TBC1D22A: variants seen among roughly 807,000 people sequenced by gnomAD.
TBC1D22A encodes putative GTPase activator.
In TBC1D22A, 38 loss-of-function variants were observed where a neutral mutation model predicts 60.2. That is an observed-to-expected ratio of 0.63 (90% CI 0.49 to 0.83). The LOEUF is 0.83. TBC1D22A is among the 40% of genes least tolerant of loss of function. TBC1D22A has a pLI of 0.00. For synonymous variants in TBC1D22A, 302 were observed against 281.7 expected (o/e 1.07, Z -0.72); for missense variants, 628 against 701.0 (o/e 0.90, Z 1.18).
At chr22:47,140,797 C>T (rs954222771) in intron 12 of TBC1D22A, among the ~76,000 whole-genome samples, 1 of 152,142 alleles carries the variant, frequency 6.6e-6, no homozygotes, top group African/African-American at 2.4e-5. Flanking sequence ...GTGAGCATTC[C>T]CCATGCTGGG....
chr22:46,941,441 C>T lies in TBC1D22A; in HGVS notation c.1015+29253C>T, dbSNP rs1041338804. ...GGAATATACACGGAATATATATACACGGAATATATATACGGAATATATATA... is the reference window on the plus strand; with the variant it reads ...GGAATATACACGGAATATATATACATGGAATATATATACGGAATATATATA... On this transcript the variant is annotated intron_variant, in intron 8 of 12. Transcript: ENST00000337137. Among the ~76,000 whole-genome samples, 38 of 132,100 alleles carry T rather than the reference C, an allele frequency of 2.9e-4. 2 individuals carry two copies. Among genetic ancestry groups the T allele is most frequent in the Non-Finnish European group, 4.0e-4 (25 of 63,204 alleles). 86.7% of individuals were successfully genotyped at this position (132,100 alleles called of 152,430 possible).
intron 4 of TBC1D22A, among the ~76,000 whole-genome samples, chr22:46,799,628 C>T (rs557271520): frequency 9.2e-5 from 14 of 152,334 alleles, no homozygotes; most frequent in Admixed American, 7.8e-4. Context: ...TTGGATGTCA[C>T]GCCTCTGTCT....
At chr22:46,840,689 C>T (rs1015278087) in intron 4 of TBC1D22A, among the ~76,000 whole-genome samples, 5 of 151,328 alleles carry the variant, frequency 3.3e-5, no homozygotes, top group African/African-American at 7.3e-5. Context: ...GCCGAGATTG[C>T]GCCACTGTAC....
chr22:47,158,524 A>G (rs2067813268), intron 12 of TBC1D22A, among the ~76,000 whole-genome samples: 1 of 152,108 alleles, frequency 6.6e-6, no homozygotes, highest in Non-Finnish European at 1.5e-5. Flanking sequence ...GGTTCTTCAC[A>G]CATGGATCAC....
At chr22:46,770,895 C>T (rs752348548) in intron 1 of TBC1D22A, among the ~76,000 whole-genome samples, 4 of 152,168 alleles carry the variant, frequency 2.6e-5, no homozygotes, top group Admixed American at 6.5e-5. Context: ...TGTGTGTTCC[C>T]CGCCAGTTGG....
rs569181827 is a variant in TBC1D22A at position 46,813,867 on chromosome 22, C to T, written c.637+16247C>T. Among the ~76,000 whole-genome samples the T allele has an allele frequency of 2.6e-4, 40 of 152,326 alleles. No homozygotes were observed. In the East Asian group the frequency reaches 6.4e-3, roughly 24 times the overall value. ...GTTCCATGAAGGCAGGGGCACCTGA[C>T]GGACAAGAAATCAGATCTAAAAATG... On this transcript the variant is annotated intron_variant, in intron 4 of 12. Transcript: ENST00000337137.
At chr22:46,980,461 G>T (rs926070776) in intron 9 of TBC1D22A, among the ~76,000 whole-genome samples, 5 of 152,194 alleles carry the variant, frequency 3.3e-5, no homozygotes, top group Non-Finnish European at 7.3e-5. Flanking sequence ...GATTACCCAG[G>T]TGTGAGCCAC....
intron 11 of TBC1D22A, among the ~76,000 whole-genome samples, chr22:47,087,165 A>G (rs1018784652): frequency 1.3e-5 from 2 of 152,262 alleles, no homozygotes; most frequent in African/African-American, 2.4e-5. Context: ...GCATACGCGC[A>G]TGCACACAAA....
In TBC1D22A at chr22:46,997,629, C is replaced by T. The variant is rs746259298; in HGVS notation, c.1126-5C>T. 9 of 1,611,510 alleles carry T rather than the reference C, an allele frequency of 5.6e-6. No homozygotes were observed. The highest frequency in any genetic ancestry group is 7.6e-6 in the Non-Finnish European group (9 of 1,178,516). ...ATATGATTCACATTATTCTTTTTTC[C>T]TTAGGACAACTACACCTTTGCCCAA... On this transcript the variant is annotated splice_region_variant and splice_polypyrimidine_tract_variant and intron_variant, in intron 9 of 12. Coordinates refer to ENST00000337137, the MANE Select transcript of TBC1D22A (RefSeq NM_014346.5).
chr22:46,843,313 C>T (rs75380655), intron 4 of TBC1D22A, among the ~76,000 whole-genome samples: 3 of 151,972 alleles, frequency 2.0e-5, no homozygotes, highest in Admixed American at 2.0e-4. Context: ...TTGTTGTTGT[C>T]ATTGATTTTT....
Position 47,047,305 on chromosome 22 carries a change from A to G in TBC1D22A, c.1329+10107A>G, listed in dbSNP as rs531528738. Among the ~76,000 whole-genome samples the G allele has an allele frequency of 2.6e-5, 4 of 152,384 alleles. No individual in the cohort carries two copies. The South Asian group carries it at 8.3e-4, about 32-fold the overall frequency. ...CACATAGCCTATTAATGAAGGCTGC[A>G]TATTAAATACGAATCATACATTTTT... On this transcript the variant is annotated intron_variant, in intron 11 of 12. Transcript: ENST00000337137.
intron 12 of TBC1D22A, among the ~76,000 whole-genome samples, chr22:47,144,724 C>T (rs1024191296): frequency 2.1e-5 from 3 of 145,978 alleles, no homozygotes; most frequent in African/African-American, 7.6e-5. Flanking sequence ...CTGGGTGCAG[C>T]CCGTGAAGGT....
chr22:46,984,954 G>A (rs1004514974), intron 9 of TBC1D22A, among the ~76,000 whole-genome samples: 10 of 152,238 alleles, frequency 6.6e-5, no homozygotes, highest in Admixed American at 6.5e-4. Flanking sequence ...TGCACACTAA[G>A]CTGGGGAGAT....
intron 5 of TBC1D22A, among the ~76,000 whole-genome samples, chr22:46,885,382 C>T (rs962320372): frequency 6.6e-6 from 1 of 152,146 alleles, no homozygotes; most frequent in Non-Finnish European, 1.5e-5. Flanking sequence ...GAGCCTGTCT[C>T]CTCGTCTGCA....
At chr22:46,902,269 T>C (rs1445414036) in intron 7 of TBC1D22A, among the ~76,000 whole-genome samples, 1 of 152,272 alleles carries the variant, frequency 6.6e-6, no homozygotes, top group African/African-American at 2.4e-5. Flanking sequence ...TTTAAATTTC[T>C]TCAGCCCTGG....
chr22:46,800,078 G>A (rs1409219399), intron 4 of TBC1D22A, among the ~76,000 whole-genome samples: 1 of 152,190 alleles, frequency 6.6e-6, no homozygotes, highest in Non-Finnish European at 1.5e-5. Context: ...CATGGCGTAC[G>A]TGGAGAACCG....
At chr22:46,823,534 C>T (rs939248673) in intron 4 of TBC1D22A, among the ~76,000 whole-genome samples, 12 of 152,140 alleles carry the variant, frequency 7.9e-5, no homozygotes, top group African/African-American at 2.2e-4. Flanking sequence ...CAGGTGCCCG[C>T]GTGGTGTTTG....
chr22:47,124,126 G>C (rs552809424), intron 12 of TBC1D22A, among the ~76,000 whole-genome samples: 1 of 152,314 alleles, frequency 6.6e-6, no homozygotes, highest in East Asian at 1.9e-4. Context: ...GAGAGAAGGG[G>C]ACTCTTGGGT....
intron 8 of TBC1D22A, among the ~76,000 whole-genome samples, chr22:46,920,084 T>TATGA (rs1555949381): frequency 3.4e-5 from 5 of 148,994 alleles, no homozygotes; most frequent in Admixed American, 6.6e-5. Flanking sequence ...TGTATGTATG[T>TATGA]ATGAATGAAG....
Sources: allele counts gnomAD v4.1 joint callset (sites outside exome capture counted in the v4.1 genomes callset), GRCh38; gene constraint gnomAD v4.1.1; transcripts MANE v1.5; gene names NCBI Gene and HGNC (gene_info 2026-07-23, HGNC 2026-07-21).